The following PDE4C variants were observed in gnomAD, a reference collection of about 807,000 sequenced individuals.
The protein encoded by PDE4C is 3',5'-cyclic-AMP phosphodiesterase 4C.
A neutral mutation model predicts 63.9 loss-of-function variants in PDE4C; 50 were observed. That is an observed-to-expected ratio of 0.78 (90% CI 0.62 to 0.99). The LOEUF (loss-of-function observed/expected upper bound fraction) is 0.99. Ranked by LOEUF, PDE4C falls within the 50% of genes least tolerant of loss-of-function variation. The pLI, the probability that PDE4C is intolerant of heterozygous loss-of-function variation, is 0.00. For synonymous variants in PDE4C, 377 were observed against 385.1 expected, an observed-to-expected ratio of 0.98 and a Z score of 0.25; for missense variants, 777 against 899.1, an observed-to-expected ratio of 0.86 and a Z score of 1.74.
Position 18,211,790 on chromosome 19 carries a change from T to TCA in PDE4C, c.1662_1663dup (p.Asp555ValfsTer75), listed in dbSNP as rs1967954157. On this transcript the variant is annotated frameshift_variant, in exon 14 of 15. Transcript: ENST00000262805. LOFTEE classifies it low-confidence loss of function (END_TRUNC). ...CTTCTCCACTGAGGCCGTATGCTTG[T>TCA]CACACATGGGACTGATGTCCAGGCC... 1.2e-6 allele frequency: 2 copies of TCA among 1,614,094 alleles called. No individual in the cohort carries two copies. The highest frequency in any genetic ancestry group is 2.2e-5 in the South Asian group (2 of 91,084).
In PDE4C at chr19:18,220,394, C is replaced by G; in HGVS notation, c.612+9G>C. The G allele has an allele frequency of 6.2e-7, 1 of 1,612,910 alleles. No homozygotes were observed. Among genetic ancestry groups the G allele is most frequent in the Non-Finnish European group, 8.5e-7 (1 of 1,178,876 alleles). ...AGGCAGGTGAGCTCAGCGATCTGCC[C>G]CACCTCACCTTGTTGGAGGCCATCT... On this transcript the variant is annotated intron_variant, in intron 6 of 14. Transcript: ENST00000262805. The surrounding 1 kb of genome is among the most constrained non-coding windows in gnomAD (Gnocchi z 5.1).
At chr19:18,250,367 A>T (rs1259102171), upstream of PDE4C, 5 of 398,698 alleles carry the variant, frequency 1.3e-5, no homozygotes, top group Non-Finnish European at 2.2e-5. Flanking sequence ...ACAGAATCTC[A>T]CAGCCATGAC....
Position 18,220,815 on chromosome 19 carries a change from C to T in PDE4C, c.499+59G>A, listed in dbSNP as rs1439708392. Reference sequence around the variant, plus strand: ...AGGGGCTCATGGACTGGGGAGGTCACTATGGAAAGGAAGCTCCCAGCTGTC... The same window carrying T: ...AGGGGCTCATGGACTGGGGAGGTCATTATGGAAAGGAAGCTCCCAGCTGTC... On this transcript the variant is annotated intron_variant, in intron 5 of 14. Coordinates refer to ENST00000262805, the Ensembl canonical transcript of PDE4C. This position sits in a 1 kb window ranked among gnomAD's most constrained non-coding sequence, Gnocchi z 5.1. 15 of 1,528,322 alleles carry T rather than the reference C, an allele frequency of 9.8e-6. No homozygotes were observed. The highest frequency in any genetic ancestry group is 1.4e-5 in the African/African-American group (1 of 73,526). 94.7% of individuals were successfully genotyped at this position (1,528,322 alleles called of 1,614,324 possible).
At chr19:18,222,283 G>C in exon 2 of PDE4C, 1 of 1,613,534 alleles carries the variant, frequency 6.2e-7, no homozygotes, top group Middle Eastern at 1.7e-4. Flanking sequence ...TGAGGGTCCA[G>C]GGCCCTCCTC....
intron 1 of PDE4C, among the ~76,000 whole-genome samples, chr19:18,241,155 G>T (rs1288188848): frequency 6.6e-6 from 1 of 152,030 alleles, no homozygotes; most frequent in Non-Finnish European, 1.5e-5. Context: ...TGAAGAGGGT[G>T]GGGTGTGTGG....
intron 2 of PDE4C, among the ~76,000 whole-genome samples, chr19:18,221,605 ATGGTTTGT>A (rs1968487690): frequency 7.7e-6 from 1 of 129,302 alleles, no homozygotes; most frequent in Non-Finnish European, 1.7e-5. Context: ...ATTGGCCTTA[ATGGTTTGT>A]TTGTTTGTTT....
Position 18,216,723 on chromosome 19 carries a change from T to C in PDE4C, c.1389+18A>G. ...CTCCCCTCTGCCCCTCCCGCCCCGC[T>C]TACTGCCCTGGCCTCACCATGTCAA... On this transcript the variant is annotated intron_variant, in intron 12 of 14. Coordinates refer to ENST00000262805, the Ensembl canonical transcript of PDE4C. The C allele has an allele frequency of 6.6e-7, 1 of 1,524,194 alleles. No individual in the cohort carries two copies. Among genetic ancestry groups the C allele is most frequent in the Non-Finnish European group, 8.9e-7 (1 of 1,118,248 alleles). The allele number at this position is 1,524,194 out of a possible 1,614,324, so 94.4% of individuals were successfully genotyped here. A position where few individuals can be genotyped will look rare whatever the true frequency, so the allele number is the denominator to read the frequency against.
chr19:18,222,957 C>A (rs1968558604), intron 1 of PDE4C, among the ~76,000 whole-genome samples: 2 of 152,084 alleles, frequency 1.3e-5, no homozygotes, highest in Admixed American at 6.6e-5. Context: ...AGCTCCGCCT[C>A]CCAAAGTGCT....
chr19:18,226,314 C>G (rs1490758649), exon 1 of PDE4C: 11 of 1,568,628 alleles, frequency 7.0e-6, no homozygotes, highest in Non-Finnish European at 9.5e-6. Context: ...GGCGGATGCT[C>G]TGATTCACCA....
At chr19:18,216,771 T>A in exon 12 of PDE4C, 1 of 1,613,678 alleles carries the variant, frequency 6.2e-7, no homozygotes, top group Non-Finnish European at 8.5e-7. Context: ...GCAGACTCAG[T>A]CGCTGCTTGG....
intron 1 of PDE4C, among the ~76,000 whole-genome samples, chr19:18,240,542 A>C (rs564371964): frequency 7.9e-5 from 12 of 152,148 alleles, no homozygotes; most frequent in African/African-American, 2.9e-4. Flanking sequence ...CCCGGCCAAC[A>C]TGCTGAAACC....
In PDE4C at chr19:18,218,258, C is replaced by T. The variant is rs765569066; in HGVS notation, c.1135-10G>A. ...AGTCTGTGAACACAGCCTGAGCAGGCAGAGGGCACAGGCGGTGAGGGGCGG... is the reference window on the plus strand; with the variant it reads ...AGTCTGTGAACACAGCCTGAGCAGGTAGAGGGCACAGGCGGTGAGGGGCGG... On this transcript the variant is annotated splice_polypyrimidine_tract_variant and intron_variant, in intron 10 of 14. Transcript: ENST00000262805. The T allele has an allele frequency of 7.4e-6, 12 of 1,613,984 alleles. No individual in the cohort carries two copies. The highest frequency in any genetic ancestry group is 1.0e-5 in the Non-Finnish European group (12 of 1,179,924).
chr19:18,222,246 A>G, exon 2 of PDE4C: 1 of 1,614,094 alleles, frequency 6.2e-7, no homozygotes, highest in Non-Finnish European at 8.5e-7. Context: ...TGGAGCCTGC[A>G]TAATCCGGCC....
At chr19:18,229,102 A>ATT (rs56379821), upstream of PDE4C, among the ~76,000 whole-genome samples, 33,316 of 123,850 alleles carry the variant, frequency 0.27, 4,692 homozygotes, top group East Asian at 0.5. Context: ...TGCCAAGCTA[A>ATT]TTTTTTTTTT....
the PDE4C span, among the ~76,000 whole-genome samples, chr19:18,254,537 G>T: frequency 6.6e-6 from 1 of 152,318 alleles, no homozygotes; most frequent in Non-Finnish European, 1.5e-5. Flanking sequence ...TCTGGGACAA[G>T]CTGGACTGAG....
chr19:18,210,870 C>CGTATCATTAAAAAA, exon 15 of PDE4C: 2 of 1,514,290 alleles, frequency 1.3e-6, no homozygotes, highest in Non-Finnish European at 1.8e-6. Flanking sequence ...GAAAGTCTGC[C>CGTATCATTAAAAAA]TGCCAAGAGC....
chr19:18,235,940 T>TTTTG (rs550894161), upstream of PDE4C, among the ~76,000 whole-genome samples: 229 of 151,932 alleles, frequency 1.5e-3, no homozygotes, highest in Middle Eastern at 3.4e-3. Flanking sequence ...TTTTACTGTT[T>TTTTG]TTTGTTTGTT....
chr19:18,221,058 C>CCCCCCCCCCCCCCCCCCCA, intron 4 of PDE4C, 47 bp downstream of exon 4: 92 of 1,221,528 alleles, frequency 7.5e-5, no homozygotes, highest in Non-Finnish European at 9.7e-5. Flanking sequence ...TTCCGCCCAC[C>CCCCCCCCCCCCCCCCCCCA]TTGTCTCTGC....
Position 18,242,206 on chromosome 19 carries a change from T to G in PDE4C, c.-210+5965A>C, listed in dbSNP as rs140636409. Among the ~76,000 whole-genome samples the G allele has an allele frequency of 1.6e-3, 246 of 152,274 alleles. 1 individual carries two copies. Among genetic ancestry groups the G allele is most frequent in the African/African-American group, 5.7e-3 (235 of 41,564 alleles). On this transcript the variant is annotated intron_variant, in intron 1 of 15. Transcript: ENST00000594617. ...ATGGGAATTGGTAAGCCAGGCACTG[T>G]GGCTCACGCCTGTAATCCCAGCACT...
Sources: allele counts gnomAD v4.1 joint callset (sites outside exome capture counted in the v4.1 genomes callset), GRCh38; gene constraint gnomAD v4.1.1; non-coding constraint Gnocchi (gnomAD v3.1); transcripts MANE v1.5; gene names NCBI Gene and HGNC (gene_info 2026-07-23, HGNC 2026-07-21).